The following SGIP1 variants were observed in gnomAD, a reference collection of about 807,000 sequenced individuals.
The protein encoded by SGIP1 is SH3-containing GRB2-like protein 3-interacting protein 1.
In SGIP1, 38 loss-of-function variants were observed where a neutral mutation model predicts 107.5. The observed-to-expected ratio is 0.35, with a 90% CI of 0.27 to 0.46. The LOEUF (loss-of-function observed/expected upper bound fraction) is 0.46, where lower values mean the gene tolerates loss of function less well. Among genes scored for constraint, SGIP1 ranks in the 20% least tolerant of loss-of-function variants. SGIP1 has a pLI of 1.00. For synonymous variants in SGIP1, 365 were observed against 366.1 expected (o/e 1.00, Z 0.03); for missense variants, 929 against 1,019.5 (o/e 0.91, Z 1.21).
chr1:66,698,779 A>G (rs1330005681), intron 18 of SGIP1, among the ~76,000 whole-genome samples: 1 of 152,118 alleles, frequency 6.6e-6, no homozygotes, highest in East Asian at 1.9e-4. Context: ...CAAATATTAA[A>G]TAGAAGATAT....
rs775233460 is a variant in SGIP1 at position 66,679,710 on chromosome 1, G to A, written c.772G>A (p.Ala258Thr). Reference sequence around the variant, plus strand: ...ACCACTGCCTCCAAAAAATGTACCAGCTACCCCACCCCGAACAGGATCCCC... The same window carrying A: ...ACCACTGCCTCCAAAAAATGTACCAACTACCCCACCCCGAACAGGATCCCC... The part of the protein sequence containing the change: ...PPPLPPKNVP[A>T]TPPRTGSPLT... The change falls in exon 14 of 25, where the codon GCT becomes ACT. Residue 258 changes from alanine (A) to threonine (T), a missense_variant. Coordinates refer to ENST00000371037, the MANE Select transcript of SGIP1 (RefSeq NM_032291.4). 6.2e-7 allele frequency: 1 copy of A among 1,606,534 alleles called. No individual in the cohort carries two copies. Among genetic ancestry groups the A allele is most frequent in the Non-Finnish European group, 8.5e-7 (1 of 1,178,046 alleles).
At chr1:66,590,933 A>G (rs1213215607) in intron 1 of SGIP1, among the ~76,000 whole-genome samples, 1 of 152,252 alleles carries the variant, frequency 6.6e-6, no homozygotes, top group African/African-American at 2.4e-5. Context: ...TCTGTAGCCC[A>G]GCTGTCAGTG....
intron 18 of SGIP1, among the ~76,000 whole-genome samples, chr1:66,705,689 T>C (rs970739101): frequency 2.0e-5 from 3 of 152,160 alleles, no homozygotes; most frequent in African/African-American, 7.2e-5. Context: ...CTTTCAGTAG[T>C]GCTCAAAATT....
intron 13 of SGIP1, 100 bp from the exon 14 acceptor site, chr1:66,679,578 C>T: frequency 8.1e-7 from 1 of 1,229,092 alleles, no homozygotes; most frequent in Non-Finnish European, 1.1e-6. Context: ...TTTCCAATAG[C>T]AGGAATATAA....
intron 14 of SGIP1, 107 bp from the exon 15 acceptor site, chr1:66,681,762 T>G: frequency 8.6e-7 from 1 of 1,168,976 alleles, no homozygotes; most frequent in Non-Finnish European, 1.2e-6. Context: ...GTATGCCCAC[T>G]GAGGCACCTC....
At chr1:66,580,950 G>A (rs945672046) in intron 1 of SGIP1, among the ~76,000 whole-genome samples, 31 of 152,144 alleles carry the variant, frequency 2.0e-4, no homozygotes, top group African/African-American at 6.7e-4. Context: ...ATGCTAAAGC[G>A]TATTTATTTC....
rs1258813807 is a variant in SGIP1, at chr1:66,749,391, T to G, written c.*6296T>G. Among the ~76,000 whole-genome samples, 2 of 151,908 alleles carry G rather than the reference T, an allele frequency of 1.3e-5. No individual in the cohort carries two copies. The highest frequency in any genetic ancestry group is 6.6e-5 in the Admixed American group (1 of 15,254). Reference sequence around the variant, plus strand: ...GGGAAAGCTAAGAGCAGTGCACTGTTTAGCACAGATTTTGTGAGATTCTAT... The same window carrying G: ...GGGAAAGCTAAGAGCAGTGCACTGTGTAGCACAGATTTTGTGAGATTCTAT... On this transcript the variant is annotated 3_prime_UTR_variant, in exon 25 of 25. Transcript: ENST00000371037.
At chr1:66,720,857 T>C (rs887329921) in intron 19 of SGIP1, among the ~76,000 whole-genome samples, 4 of 152,318 alleles carry the variant, frequency 2.6e-5, no homozygotes, top group African/African-American at 9.6e-5. Context: ...TCCATATATA[T>C]TTTAAGTGGA....
chr1:66,698,720 A>G (rs113035152), intron 18 of SGIP1, among the ~76,000 whole-genome samples: 3,141 of 152,206 alleles, frequency 0.021, 104 homozygotes, highest in African/African-American at 0.071. Context: ...ACTGTATCCT[A>G]TTGAAGCTAT....
intron 9 of SGIP1, among the ~76,000 whole-genome samples, chr1:66,668,057 C>T (rs1029348914): frequency 6.6e-6 from 1 of 152,164 alleles, no homozygotes; most frequent in African/African-American, 2.4e-5. Context: ...GACACACTTT[C>T]AAGTCAATAT....
At chr1:66,666,327 C>G (rs1339267737) in intron 8 of SGIP1, 1 of 174,344 alleles carries the variant, frequency 5.7e-6, no homozygotes, top group Non-Finnish European at 1.2e-5. Flanking sequence ...TTCCATTGGT[C>G]TATATCTCTG....
At chr1:66,627,649 G>A (rs979084479) in intron 2 of SGIP1, among the ~76,000 whole-genome samples, 1 of 152,098 alleles carries the variant, frequency 6.6e-6, no homozygotes, top group African/African-American at 2.4e-5. Context: ...TTTATTTCAA[G>A]AATATTACAT....
At chr1:66,631,120 A>G (rs2074581508) in intron 2 of SGIP1, among the ~76,000 whole-genome samples, 1 of 152,030 alleles carries the variant, frequency 6.6e-6, no homozygotes, top group African/African-American at 2.4e-5. Flanking sequence ...AGACTGACTC[A>G]GTATATAGAT....
chr1:66,581,544 G>A (rs1266552764), intron 1 of SGIP1, among the ~76,000 whole-genome samples: 3 of 151,756 alleles, frequency 2.0e-5, no homozygotes, highest in Non-Finnish European at 4.4e-5. Flanking sequence ...TGCCAATCTT[G>A]ACTCAAAGAA....
At chr1:66,667,987 T>C (rs548850982) in intron 9 of SGIP1, among the ~76,000 whole-genome samples, 1 of 152,342 alleles carries the variant, frequency 6.6e-6, no homozygotes, top group Non-Finnish European at 1.5e-5. Flanking sequence ...TCCTGGACCA[T>C]AACTTACAAT....
At chr1:66,608,987 T>TGGTCACTTATATCCCACAAGGATGAA (rs1558056247) in intron 1 of SGIP1, among the ~76,000 whole-genome samples, 1 of 139,318 alleles carries the variant, frequency 7.2e-6, no homozygotes, top group Non-Finnish European at 1.6e-5. Flanking sequence ...GCTCCTGGTT[T>TGGTCACTTATATCCCACAAGGATGAA]GGTCACTTAT....
intron 3 of SGIP1, among the ~76,000 whole-genome samples, chr1:66,633,460 A>G (rs1013599141): frequency 6.6e-6 from 1 of 152,318 alleles, no homozygotes; most frequent in Non-Finnish European, 1.5e-5. Flanking sequence ...CAAAGTTGTA[A>G]TGAAGCTGAG....
chr1:66,674,788 G>C (rs563399754), intron 12 of SGIP1, among the ~76,000 whole-genome samples: 1 of 152,330 alleles, frequency 6.6e-6, no homozygotes, highest in South Asian at 2.1e-4. Flanking sequence ...ACTATTCTAA[G>C]AGCAAAACTA....
chr1:66,742,704 C>T (rs1350191606), intron 24 of SGIP1, among the ~76,000 whole-genome samples: 1 of 148,794 alleles, frequency 6.7e-6, no homozygotes, highest in Non-Finnish European at 1.5e-5. Flanking sequence ...CTCCTGACCT[C>T]GTGATCCGCC....
Sources: allele counts gnomAD v4.1 joint callset (sites outside exome capture counted in the v4.1 genomes callset), GRCh38; gene constraint gnomAD v4.1.1; transcripts MANE v1.5; gene names NCBI Gene and HGNC (gene_info 2026-07-23, HGNC 2026-07-21).